The following GRIN2D variants were observed in gnomAD, a reference collection of about 807,000 sequenced individuals.
The protein encoded by GRIN2D is glutamate ionotropic receptor NMDA type subunit 2D.
Under a neutral mutation model 103.2 loss-of-function variants are expected in GRIN2D, and 37 were observed. That is an observed-to-expected ratio of 0.36 (90% CI 0.28 to 0.47). GRIN2D has a LOEUF of 0.47. Among genes scored for constraint, GRIN2D ranks in the 20% least tolerant of loss-of-function variants. GRIN2D has a pLI of 1.00. For synonymous variants in GRIN2D, 845 were observed against 885.6 expected (o/e 0.95, Z 0.81); for missense variants, 1,557 against 1,910.6 (o/e 0.81, Z 3.45).
rs1435620430 is a variant in GRIN2D at position 48,432,784 on chromosome 19, T to A, written c.2253-8985T>A. On this transcript the variant is annotated intron_variant, in intron 11 of 13. Transcript: ENST00000263269. ...AGAAACTGGACTTTCTTTTTTTTTT[T>A]TTTTATTTCATTTTGCTTTTTTTTG... 3.3e-5 allele frequency among the ~76,000 whole-genome samples: 5 copies of A among 151,278 alleles called. No homozygotes were observed. In the East Asian group the frequency reaches 7.8e-4, roughly 24 times the overall value.
In GRIN2D at chr19:48,398,810, C is replaced by A; in HGVS notation, c.418C>A (p.Pro140Thr). The A allele has an allele frequency of 6.9e-7, 1 of 1,442,336 alleles. No individual in the cohort carries two copies. Among genetic ancestry groups the A allele is most frequent in the Non-Finnish European group, 9.1e-7 (1 of 1,101,440 alleles). The allele number at this position is 1,442,336 out of a possible 1,614,324, so 89.3% of individuals were successfully genotyped here. The change falls in exon 3 of 14, where the codon CCC becomes ACC. Residue 140 changes from proline to threonine, a missense_variant. Around this residue, in one of 7 missense-constraint regions of GRIN2D, gnomAD observed 490 missense variants for 601.1 expected, o/e 0.82. Coordinates refer to ENST00000263269, the MANE Select transcript of GRIN2D (RefSeq NM_000836.4). ...LDFLSAQTSL[P>T]IVAVHGGAAL... ...CTTCCTGTCGGCGCAGACCTCGCTG[C>A]CCATCGTGGCCGTGCACGGCGGCGC...
At chr19:48,440,603 A>C (rs1971279584) in intron 11 of GRIN2D, among the ~76,000 whole-genome samples, 1 of 152,162 alleles carries the variant, frequency 6.6e-6, no homozygotes, top group Admixed American at 6.6e-5. Context: ...AGGAAAACAA[A>C]AAAAAAGTGT....
chr19:48,410,357 G>A (rs1024330787), intron 4 of GRIN2D, among the ~76,000 whole-genome samples: 2 of 150,720 alleles, frequency 1.3e-5, no homozygotes, highest in African/African-American at 4.9e-5. Context: ...GCAAAACCCC[G>A]TCTCTACTAA....
chr19:48,437,603 T>G (rs1971246579), intron 11 of GRIN2D, among the ~76,000 whole-genome samples: 1 of 152,166 alleles, frequency 6.6e-6, no homozygotes, highest in Admixed American at 6.6e-5. Context: ...TTCTCCAAAA[T>G]GTAACTTGAG....
chr19:48,433,231 GAT>G (rs1569070991), intron 11 of GRIN2D, among the ~76,000 whole-genome samples: 1 of 151,592 alleles, frequency 6.6e-6, no homozygotes, highest in Non-Finnish European at 1.5e-5. Context: ...AGCCGGGCAT[GAT>G]GGTGGGCGCC....
chr19:48,397,559 C>T (rs1569057045), intron 2 of GRIN2D, among the ~76,000 whole-genome samples: 1 of 151,864 alleles, frequency 6.6e-6, no homozygotes, highest in Non-Finnish European at 1.5e-5. Flanking sequence ...TCTCTGTCTC[C>T]CTCTTCCTGC....
chr19:48,415,099 G>A (rs1035111014), intron 7 of GRIN2D, 67 bp downstream of exon 7: 12 of 1,398,548 alleles, frequency 8.6e-6, no homozygotes, highest in Admixed American at 6.1e-5. Context: ...AGCCGGGCGT[G>A]GTGGCTCACG....
chr19:48,403,543 G>C (rs1176887226), intron 3 of GRIN2D, among the ~76,000 whole-genome samples: 1 of 152,190 alleles, frequency 6.6e-6, no homozygotes, highest in South Asian at 2.1e-4. Flanking sequence ...ATGGGAGACA[G>C]TATTTAAACT....
At chr19:48,404,172 G>A (rs140649552) in intron 3 of GRIN2D, among the ~76,000 whole-genome samples, 2,876 of 151,896 alleles carry the variant, frequency 0.019, 91 homozygotes, top group African/African-American at 0.066. Context: ...CCCGGGAGGC[G>A]GATGTTGCAG....
chr19:48,434,231 C>T (rs563289528), intron 11 of GRIN2D, among the ~76,000 whole-genome samples: 6 of 151,256 alleles, frequency 4.0e-5, no homozygotes, highest in African/African-American at 1.5e-4. Flanking sequence ...ATTACAGGCA[C>T]AAGCCACCGC....
In GRIN2D at chr19:48,419,346, G is replaced by A. The variant is rs76163376; in HGVS notation, c.1848G>A (p.Leu616=). The change falls in exon 9 of 14, where the codon CTG becomes CTA. Residue 616 remains leucine (L), a synonymous_variant. Transcript: ENST00000263269. ...GTCCTGTTGGTTACAACCGCAGCCT[G>A]GCCACGGGCAAGCGTGAGTCCCCCT... ...YLSPVGYNRS[L]ATGKRPGGST... is the part of the protein sequence containing the mutation. 4 of 1,603,642 alleles carry A rather than the reference G, an allele frequency of 2.5e-6. No individual in the cohort carries two copies. Among genetic ancestry groups the A allele is most frequent in the Non-Finnish European group, 3.4e-6 (4 of 1,178,520 alleles).
At chr19:48,435,798 C>A (rs1454390825) in intron 11 of GRIN2D, among the ~76,000 whole-genome samples, 1 of 152,158 alleles carries the variant, frequency 6.6e-6, no homozygotes, top group African/African-American at 2.4e-5. Flanking sequence ...CTGTTCTAGA[C>A]CCTGTGGATA....
chr19:48,442,989 C>A lies in GRIN2D; in HGVS notation c.3063C>A (p.Ala1021=). The A allele has an allele frequency of 1.8e-6, 2 of 1,102,290 alleles. No individual in the cohort carries two copies. The highest frequency in any genetic ancestry group is 2.2e-6 in the Non-Finnish European group (2 of 900,742). 68.3% of individuals were successfully genotyped at this position (1,102,290 alleles called of 1,614,324 possible). The change falls in exon 14 of 14, where the codon GCC becomes GCA. Residue 1021 remains alanine (A), a synonymous_variant. Transcript: ENST00000263269. The surrounding 1 kb of genome is among the most constrained non-coding windows in gnomAD (Gnocchi z 7.2). ...VRDKEPAEPP[A]GAFPGFPSPP... Reference sequence around the variant, plus strand: ...ACAAGGAGCCAGCCGAGCCCCCCGCCGGCGCCTTCCCCGGCTTCCCGTCGC... The same window carrying A: ...ACAAGGAGCCAGCCGAGCCCCCCGCAGGCGCCTTCCCCGGCTTCCCGTCGC...
At chr19:48,402,101 A>G (rs1970716791) in intron 3 of GRIN2D, among the ~76,000 whole-genome samples, 1 of 148,794 alleles carries the variant, frequency 6.7e-6, no homozygotes, top group Non-Finnish European at 1.5e-5. Context: ...CTTGAAAGAA[A>G]GAGAGAAAGA....
At chr19:48,437,325 G>A (rs1176087853) in intron 11 of GRIN2D, among the ~76,000 whole-genome samples, 1 of 152,054 alleles carries the variant, frequency 6.6e-6, no homozygotes, top group Non-Finnish European at 1.5e-5. Context: ...TCCCTTTGTT[G>A]CCCAAGCTGG....
rs369779979 is a variant in GRIN2D, at chr19:48,418,957, CAG to C, written c.1736-273_1736-272del. On this transcript the variant is annotated intron_variant, in intron 8 of 13. Coordinates refer to ENST00000263269, the MANE Select transcript of GRIN2D (RefSeq NM_000836.4). ...TAAGACTATCTTGGAGATGGAGAAG[CAG>C]AGATAGGGCCAGAATAGGATGGGGT... Among the ~76,000 whole-genome samples, 594 of 152,068 alleles carry C rather than the reference CAG, an allele frequency of 3.9e-3. 4 individuals carry two copies. The highest frequency in any genetic ancestry group is 0.013 in the African/African-American group (526 of 41,468).
intron 11 of GRIN2D, among the ~76,000 whole-genome samples, chr19:48,429,391 AATTTT>A (rs1211133642): frequency 6.6e-6 from 1 of 151,648 alleles, no homozygotes; most frequent in African/African-American, 2.4e-5. Flanking sequence ...ACATCTGATT[AATTTT>A]ATTTTATTTA....
chr19:48,398,157 CCTCT>C (rs753680342), intron 2 of GRIN2D, among the ~76,000 whole-genome samples: 1 of 151,546 alleles, frequency 6.6e-6, no homozygotes, highest in African/African-American at 2.4e-5. Context: ...TTTCTCTCTC[CCTCT>C]GTCTCTCTCC....
chr19:48,443,882 A>G lies in GRIN2D; in HGVS notation c.3956A>G (p.Asp1319Gly). The G allele has an allele frequency of 2.0e-6, 3 of 1,466,818 alleles. No individual in the cohort carries two copies. Among genetic ancestry groups the G allele is most frequent in the Non-Finnish European group, 2.7e-6 (3 of 1,115,924 alleles). 90.9% of individuals were successfully genotyped at this position (1,466,818 alleles called of 1,614,324 possible). ...TASHRRHRGG[D>G]LGTRRGSAHF... ...TCCCACCGGAGACACCGGGGCGGGG[A>G]CCTGGGCACCCGCAGGGGCTCGGCG... The change falls in exon 14 of 14, where the codon GAC (aspartate) becomes GGC (glycine). Residue 1319 changes from aspartate to glycine, a missense_variant. Asp to Gly is a moderately conservative substitution (Grantham distance 94, BLOSUM62 -1). Coordinates refer to ENST00000263269, the MANE Select transcript of GRIN2D (RefSeq NM_000836.4). This position sits in a 1 kb window ranked among gnomAD's most constrained non-coding sequence, Gnocchi z 8.9.
Sources: allele counts gnomAD v4.1 joint callset (sites outside exome capture counted in the v4.1 genomes callset), GRCh38; gene constraint gnomAD v4.1.1; regional missense constraint gnomAD v4.1.1; non-coding constraint Gnocchi (gnomAD v3.1); transcripts MANE v1.5; gene names NCBI Gene and HGNC (gene_info 2026-07-23, HGNC 2026-07-21).